The following TAFA5 variants were observed in gnomAD, a reference collection of about 807,000 sequenced individuals.
TAFA5 encodes the protein chemokine-like protein TAFA-5.
A neutral mutation model predicts 15.3 loss-of-function variants in TAFA5; 6 were observed. That is an observed-to-expected ratio of 0.39 (90% CI 0.21 to 0.77). The LOEUF (loss-of-function observed/expected upper bound fraction) is 0.77, where lower values mean the gene tolerates loss of function less well. Among genes scored for constraint, TAFA5 ranks in the 30% least tolerant of loss-of-function variants. The pLI is 0.41. For missense variants in TAFA5, 161 were observed against 193.1 expected, an observed-to-expected ratio of 0.83 and a Z score of 0.98; for synonymous variants, 103 against 80.7, an observed-to-expected ratio of 1.28 and a Z score of -1.48.
chr22:48,512,941 AAAAGAGAG>A (rs1390766297), intron 1 of TAFA5, among the ~76,000 whole-genome samples: 1 of 147,678 alleles, frequency 6.8e-6, no homozygotes, highest in Non-Finnish European at 1.5e-5. Context: ...AAAAAAAAAA[AAAAGAGAG>A]AGAGAGAGAG....
At chr22:48,578,951 C>G (rs1178354647) in intron 1 of TAFA5, among the ~76,000 whole-genome samples, 1 of 152,226 alleles carries the variant, frequency 6.6e-6, no homozygotes, top group Non-Finnish European at 1.5e-5. Context: ...AGGGAGGGAA[C>G]AAGGCAGGCG....
intron 1 of TAFA5, among the ~76,000 whole-genome samples, chr22:48,492,931 A>G (rs2147091311): frequency 6.6e-6 from 1 of 152,288 alleles, no homozygotes; most frequent in Middle Eastern, 3.4e-3. Flanking sequence ...TGGAGTAGAG[A>G]AGTCTGTCTG....
intron 3 of TAFA5, among the ~76,000 whole-genome samples, chr22:48,713,271 G>A (rs1033673161): frequency 2.6e-5 from 4 of 152,228 alleles, no homozygotes; most frequent in Admixed American, 2.0e-4. Context: ...GAGATTCTGA[G>A]GACGTGCAGA....
chr22:48,496,787 C>T (rs1353136361), intron 1 of TAFA5, among the ~76,000 whole-genome samples: 1 of 152,178 alleles, frequency 6.6e-6, no homozygotes, highest in African/African-American at 2.4e-5. Flanking sequence ...TGGGGGTTAA[C>T]GGCGTAGGCT....
At chr22:48,590,550 A>G (rs1198948831) in intron 1 of TAFA5, among the ~76,000 whole-genome samples, 1 of 152,184 alleles carries the variant, frequency 6.6e-6, no homozygotes, top group Non-Finnish European at 1.5e-5. Context: ...CTTCTCGAGC[A>G]TCTCCTAAAC....
At chr22:48,661,681 C>T (rs1371083687) in intron 2 of TAFA5, among the ~76,000 whole-genome samples, 1 of 152,180 alleles carries the variant, frequency 6.6e-6, no homozygotes. Flanking sequence ...GGCTCGTTCC[C>T]CCACCCTCCT....
chr22:48,622,899 A>C (rs576399557), intron 1 of TAFA5, among the ~76,000 whole-genome samples: 1 of 152,274 alleles, frequency 6.6e-6, no homozygotes, highest in East Asian at 1.9e-4. Context: ...CCCACCTGGG[A>C]CTGCCCGTGA....
At chr22:48,509,352 T>TA (rs1237583804) in intron 1 of TAFA5, among the ~76,000 whole-genome samples, 1 of 152,178 alleles carries the variant, frequency 6.6e-6, no homozygotes, top group Non-Finnish European at 1.5e-5. Context: ...GATGAGGGCG[T>TA]AGGTGCTATT....
At chr22:48,535,762 C>T (rs1159581788) in intron 1 of TAFA5, among the ~76,000 whole-genome samples, 1 of 147,294 alleles carries the variant, frequency 6.8e-6, no homozygotes, top group Non-Finnish European at 1.5e-5. Context: ...CACACTGGCA[C>T]ATGTATGAGC....
At chr22:48,587,363 GA>G (rs1026858017) in intron 1 of TAFA5, among the ~76,000 whole-genome samples, 8 of 152,212 alleles carry the variant, frequency 5.3e-5, no homozygotes, top group African/African-American at 1.9e-4. Flanking sequence ...TGGTGGTAAA[GA>G]AAGGGCTGTG....
Position 48,552,776 on chromosome 22 carries a change from T to G in TAFA5, c.112+63072T>G, listed in dbSNP as rs1011261081. Reference sequence around the variant, plus strand: ...CATCCTCCGAGGGGCCCGGCCAGGCTCCCAGGGAAGAGGAGGGGCAGCTGG... The same window carrying G: ...CATCCTCCGAGGGGCCCGGCCAGGCGCCCAGGGAAGAGGAGGGGCAGCTGG... On this transcript the variant is annotated intron_variant, in intron 1 of 3. Transcript: ENST00000402357. This position sits in a 1 kb window ranked among gnomAD's most constrained non-coding sequence, Gnocchi z 4.1. Among the ~76,000 whole-genome samples the G allele has an allele frequency of 2.6e-5, 4 of 151,964 alleles. No homozygotes were observed. The highest frequency in any genetic ancestry group is 5.9e-5 in the Non-Finnish European group (4 of 67,964).
intron 2 of TAFA5, among the ~76,000 whole-genome samples, chr22:48,657,771 C>G (rs1002269547): frequency 6.6e-6 from 1 of 152,092 alleles, no homozygotes; most frequent in African/African-American, 2.4e-5. Flanking sequence ...GGTCCTGATG[C>G]CTCCAAATGC....
rs1426034847 is a variant in TAFA5 at position 48,679,016 on chromosome 22, C to T, written c.263-28701C>T. ...GGCTCCCCGTCCATCCCTCTCCCGG[C>T]TCCGCGTCCATCCCTCTCCTGGCTC... On this transcript the variant is annotated intron_variant, in intron 2 of 3. Transcript: ENST00000402357. Among the ~76,000 whole-genome samples the T allele has an allele frequency of 6.7e-4, 63 of 94,084 alleles. 2 individuals carry two copies. Among genetic ancestry groups the T allele is most frequent in the Admixed American group, 1.4e-3 (10 of 7,092 alleles). 61.7% of individuals were successfully genotyped at this position (94,084 alleles called of 152,430 possible). A position where few individuals can be genotyped will look rare whatever the true frequency, so the allele number is the denominator to read the frequency against.
rs1417097229 is a variant in TAFA5, at chr22:48,675,779, C to T, written c.262+29033C>T. On this transcript the variant is annotated intron_variant, in intron 2 of 3. Coordinates refer to ENST00000402357, the MANE Select transcript of TAFA5 (RefSeq NM_001082967.3). Reference sequence around the variant, plus strand: ...TGAGGCCTCCTGCTCTCTTATTCTTCAAGACCCACCCTGTCCTCCCCAGTC... The same window carrying T: ...TGAGGCCTCCTGCTCTCTTATTCTTTAAGACCCACCCTGTCCTCCCCAGTC... Among the ~76,000 whole-genome samples, 6 of 152,266 alleles carry T rather than the reference C, an allele frequency of 3.9e-5. No homozygotes were observed. The East Asian group carries it at 9.6e-4, about 24-fold the overall frequency.
At chr22:48,710,175 C>T (rs1467655360) in intron 3 of TAFA5, among the ~76,000 whole-genome samples, 3 of 152,124 alleles carry the variant, frequency 2.0e-5, no homozygotes, top group African/African-American at 7.2e-5. Flanking sequence ...CCAGGGTTAC[C>T]GTGGCAGACC....
intron 1 of TAFA5, among the ~76,000 whole-genome samples, chr22:48,641,148 C>T (rs1300154006): frequency 2.0e-5 from 3 of 151,606 alleles, no homozygotes; most frequent in Non-Finnish European, 2.9e-5. Flanking sequence ...AAGCTGAGAC[C>T]GTGGGGGCAC....
rs573629947 is a variant in TAFA5 at position 48,742,902 on chromosome 22, C to T, written c.391-6937C>T. On this transcript the variant is annotated intron_variant, in intron 3 of 3. Coordinates refer to ENST00000402357, the MANE Select transcript of TAFA5 (RefSeq NM_001082967.3). This position sits in a 1 kb window ranked among gnomAD's most constrained non-coding sequence, Gnocchi z 6.2. ...CTCTGCTGCCTCCATGCAGCCCACA[C>T]GCGGGGCCCCCACAGTGCGGACATG... 1.3e-5 allele frequency among the ~76,000 whole-genome samples: 2 copies of T among 152,276 alleles called. No homozygotes were observed. Among genetic ancestry groups the T allele is most frequent in the South Asian group, 2.1e-4 (1 of 4,830 alleles).
chr22:48,663,523 G>A (rs890704599), intron 2 of TAFA5, among the ~76,000 whole-genome samples: 3 of 152,198 alleles, frequency 2.0e-5, no homozygotes, highest in Non-Finnish European at 4.4e-5. Context: ...CCTGGTGGCA[G>A]GAAACTAAAA....
chr22:48,607,539 C>G (rs1053610911), intron 1 of TAFA5, among the ~76,000 whole-genome samples: 6 of 136,122 alleles, frequency 4.4e-5, no homozygotes, highest in African/African-American at 1.7e-4. Flanking sequence ...CAGGTCTGTC[C>G]TGGGTTCTGA....
Sources: gnomAD v4.1 joint callset for allele counts (sites outside exome capture counted in the v4.1 genomes callset) on GRCh38, gnomAD v4.1.1 for gene constraint, Gnocchi (gnomAD v3.1) non-coding constraint, MANE v1.5 for transcripts, NCBI Gene and HGNC (gene_info 2026-07-23, HGNC 2026-07-21) for gene names.